The following NPHP1 variants were observed in gnomAD, a reference collection of about 807,000 sequenced individuals.
NPHP1 encodes the protein nephrocystin 1.
In NPHP1, 70 loss-of-function variants were observed where a neutral mutation model predicts 90.4. The observed-to-expected ratio is 0.77, with a 90% CI of 0.64 to 0.95. The LOEUF (loss-of-function observed/expected upper bound fraction) is 0.95, where lower values mean the gene tolerates loss of function less well. Among genes scored for constraint, NPHP1 ranks in the 40% least tolerant of loss-of-function variants. The pLI is 0.00. For synonymous variants in NPHP1, 256 were observed against 271.7 expected (o/e 0.94, Z 0.57); for missense variants, 764 against 795.9 (o/e 0.96, Z 0.48).
At chr2:110,186,313 T>C (rs919623844) in intron 2 of NPHP1, among the ~76,000 whole-genome samples, 1 of 152,146 alleles carries the variant, frequency 6.6e-6, no homozygotes, top group Non-Finnish European at 1.5e-5. Flanking sequence ...AGAGCCAGTG[T>C]CCTTAGGACT....
intron 11 of NPHP1, among the ~76,000 whole-genome samples, chr2:110,158,850 G>A (rs1293160446): frequency 6.6e-6 from 1 of 151,768 alleles, no homozygotes; most frequent in African/African-American, 2.4e-5. Flanking sequence ...CTTGTTCCTG[G>A]TCTTAGGAAA....
chr2:110,128,283 G>C (rs1679514900), intron 18 of NPHP1: 1 of 151,798 alleles, frequency 6.6e-6, no homozygotes, highest in African/African-American at 2.4e-5. Context: ...CTGCCTCTTT[G>C]CACTTGGCAG....
intron 2 of NPHP1, among the ~76,000 whole-genome samples, chr2:110,199,881 G>A (rs1038924721): frequency 6.6e-5 from 10 of 152,168 alleles, no homozygotes; most frequent in South Asian, 2.1e-4. Context: ...TTTCAGATAT[G>A]CAAATGTCAA....
intron 10 of NPHP1, 98 bp downstream of exon 10, chr2:110,161,505 T>C: frequency 1.2e-6 from 1 of 826,612 alleles, no homozygotes; most frequent in South Asian, 1.7e-5. Flanking sequence ...TTTTTTTGTT[T>C]TTTATAATTC....
intron 2 of NPHP1, among the ~76,000 whole-genome samples, chr2:110,200,310 T>A (rs1685486443): frequency 6.6e-6 from 1 of 151,534 alleles, no homozygotes; most frequent in African/African-American, 2.4e-5. Flanking sequence ...ACACCTATAA[T>A]CCCAGCACTT....
chr2:110,132,231 C>G (rs182676387), intron 16 of NPHP1, among the ~76,000 whole-genome samples: 21 of 152,268 alleles, frequency 1.4e-4, no homozygotes, highest in Admixed American at 1.4e-3. Context: ...TGGAATAAGT[C>G]CTGACTTTGT....
At position 110,129,196 on chromosome 2, in the gene NPHP1, T is replaced by A. The variant is rs778619698; in HGVS notation, c.1706A>T (p.Asp569Val). The A allele has an allele frequency of 4.3e-6, 7 of 1,612,062 alleles. No homozygotes were observed. The highest frequency in any genetic ancestry group is 5.9e-6 in the Non-Finnish European group (7 of 1,178,454). ...ATGCATGCTACCCACCCTGAGAGCA[T>A]CCATCACATCAGGCTGCTCCAAGAG... ...PMLLEQPDVM[D>V]ALRSSWAGKE... Residue 569 changes from aspartate to valine, a missense_variant, in exon 18 of 20, where the codon GAT (aspartate) becomes GTT (valine). Transcript: ENST00000445609.
chr2:110,173,531 C>A (rs543785249), intron 4 of NPHP1, among the ~76,000 whole-genome samples: 1 of 152,178 alleles, frequency 6.6e-6, no homozygotes, highest in East Asian at 1.9e-4. Flanking sequence ...ACATATAATA[C>A]CATATTTTTA....
intron 6 of NPHP1, among the ~76,000 whole-genome samples, 184 bp downstream of exon 6, chr2:110,168,268 C>T (rs1188118588): frequency 6.6e-6 from 1 of 152,190 alleles, no homozygotes; most frequent in African/African-American, 2.4e-5. Flanking sequence ...CGTAAGAGCA[C>T]TTCACAGGTC....
intron 16 of NPHP1, among the ~76,000 whole-genome samples, chr2:110,135,186 G>C (rs1267961877): frequency 1.3e-5 from 2 of 151,810 alleles, no homozygotes; most frequent in Admixed American, 1.3e-4. Context: ...ATTTACAATA[G>C]CATCAAAAAA....
At chr2:110,131,352 T>C (rs1262046616) in intron 17 of NPHP1, among the ~76,000 whole-genome samples, 8 of 152,162 alleles carry the variant, frequency 5.3e-5, no homozygotes, top group Admixed American at 5.2e-4. Context: ...AAAATGATTA[T>C]GTGCATACCA....
At chr2:110,164,536 G>T in intron 8 of NPHP1, 152 bp downstream of exon 8, 1 of 1,527,840 alleles carries the variant, frequency 6.5e-7, no homozygotes, top group Non-Finnish European at 9.1e-7. Context: ...CACAGGCTTA[G>T]AAACCAGAAA....
chr2:110,173,052 G>A (rs1400904072), intron 4 of NPHP1, among the ~76,000 whole-genome samples: 5 of 148,772 alleles, frequency 3.4e-5, no homozygotes, highest in East Asian at 2.0e-4. Context: ...TCCACCTCCC[G>A]GGTTCAAGCG....
chr2:110,185,237 T>C (rs1574174702), intron 2 of NPHP1: 1 of 508,430 alleles, frequency 2.0e-6, no homozygotes, highest in East Asian at 5.2e-5. Flanking sequence ...AAAACTCGCT[T>C]TGTTGAGTCA....
chr2:110,150,338 T>A (rs377203492), intron 11 of NPHP1, 82 bp from the exon 12 acceptor site: 1 of 1,245,038 alleles, frequency 8.0e-7, no homozygotes, highest in Non-Finnish European at 1.2e-6. Context: ...GAGTTAACAG[T>A]GGCTACACTA....
rs576507559 is a variant in NPHP1 at position 110,180,076 on chromosome 2, A to G, written c.144-392T>C. Among the ~76,000 whole-genome samples the G allele has an allele frequency of 1.3e-5, 2 of 152,208 alleles. 1 individual carries two copies. The highest frequency in any genetic ancestry group is 2.9e-5 in the Non-Finnish European group (2 of 68,034). On this transcript the variant is annotated intron_variant, in intron 2 of 19. Coordinates refer to ENST00000445609, the MANE Select transcript of NPHP1 (RefSeq NM_001128178.3). The stretch of plus-strand genomic sequence containing the variant: ...CAACCATGTTAAGCAGTTTACAAAC[A>G]TTACCTCATTTAAGCCTCATAACAA...
chr2:110,192,286 A>T (rs1013785784), intron 2 of NPHP1, among the ~76,000 whole-genome samples: 1 of 152,168 alleles, frequency 6.6e-6, no homozygotes. Context: ...GGCTAACTAG[A>T]ATAACCAATG....
chr2:110,195,539 T>C (rs1685103495), intron 2 of NPHP1, among the ~76,000 whole-genome samples: 1 of 152,178 alleles, frequency 6.6e-6, no homozygotes, highest in Admixed American at 6.5e-5. Flanking sequence ...TCCATGCTCA[T>C]GGGTAGGAAG....
intron 2 of NPHP1, among the ~76,000 whole-genome samples, chr2:110,191,025 C>T (rs146556767): frequency 0.016 from 2,494 of 152,162 alleles, 41 homozygotes; most frequent in South Asian, 0.056. Flanking sequence ...GAAAAAGGAA[C>T]ACTTGGGGCG....
Sources: gnomAD v4.1 joint callset for allele counts (sites outside exome capture counted in the v4.1 genomes callset) on GRCh38, gnomAD v4.1.1 for gene constraint, MANE v1.5 for transcripts, NCBI Gene and HGNC (gene_info 2026-07-23, HGNC 2026-07-21) for gene names.